Variants in TEP1 observed in about 807,000 individuals in gnomAD.
TEP1 encodes telomerase associated protein 1, also known as telomerase protein component 1.
A neutral mutation model predicts 306.3 loss-of-function variants in TEP1; 241 were observed. The observed-to-expected ratio is 0.79, with a 90% CI of 0.71 to 0.88. The LOEUF (loss-of-function observed/expected upper bound fraction) is 0.88, where lower values mean the gene tolerates loss of function less well. Ranked by LOEUF, TEP1 falls within the 40% of genes least tolerant of loss-of-function variation. TEP1 has a pLI of 0.00. For synonymous variants in TEP1, 1,289 were observed against 1,305.5 expected (o/e 0.99, Z 0.27); for missense variants, 3,051 against 3,276.1 (o/e 0.93, Z 1.68).
At chr14:20,395,758 C>T in intron 11 of TEP1, 101 bp downstream of exon 11, 1 of 1,508,530 alleles carries the variant, frequency 6.6e-7, no homozygotes, top group South Asian at 1.2e-5. Flanking sequence ...CCCCGATACA[C>T]CCTGAGACTG....
Position 20,390,961 on chromosome 14 carries a change from T to C in TEP1, c.2233A>G (p.Ile745Val). The C allele has an allele frequency of 6.2e-7, 1 of 1,614,124 alleles. No individual in the cohort carries two copies. The highest frequency in any genetic ancestry group is 8.5e-7 in the Non-Finnish European group (1 of 1,179,980). ...KAEEGILKTA[I>V]KLQAQVQEFD... ...ACCTGGACTTGAGCCTGGAGCTTGA[T>C]GGCAGTCTTCAGGATGCCTTCTTCT... The change falls in exon 14 of 55, where the codon ATC becomes GTC. Residue 745 changes from isoleucine to valine, a missense_variant. By Grantham distance (29) the Ile-to-Val change is conservative (BLOSUM62 3). Coordinates refer to ENST00000262715, the MANE Select transcript of TEP1 (RefSeq NM_007110.5).
chr14:20,410,980 C>G (rs941767690), intron 1 of TEP1, among the ~76,000 whole-genome samples: 1 of 151,890 alleles, frequency 6.6e-6, no homozygotes, highest in African/African-American at 2.4e-5. Flanking sequence ...TGCCACCACA[C>G]CCAGCTAATT....
At chr14:20,389,159 A>C (rs1276824404) in intron 17 of TEP1, 79 bp downstream of exon 17, 1 of 1,365,420 alleles carries the variant, frequency 7.3e-7, no homozygotes, top group Non-Finnish European at 1.0e-6. Context: ...AAAAAAAAAA[A>C]AAGTGACTGG....
rs1416880944 is a variant in TEP1, at chr14:20,391,038, A to G, written c.2156T>C (p.Val719Ala). The change falls in exon 14 of 55, where the codon GTG (valine) becomes GCG (alanine). Residue 719 changes from valine (V) to alanine (A), a missense_variant. By Grantham distance (64) the Val-to-Ala change is moderately conservative. This residue lies in a region of TEP1 where 1,507 missense variants were observed against 1,550.5 expected (regional missense o/e 0.97). Transcript: ENST00000262715. ...IGMMITRAEQ[V>A]DVVLCGGDTL... ...GTCACCTCCACACAGCACGACGTCCACCTGCTCCGCCCTCGTGATCATCAT... is the reference window on the plus strand; with the variant it reads ...GTCACCTCCACACAGCACGACGTCCGCCTGCTCCGCCCTCGTGATCATCAT... The G allele has an allele frequency of 5.0e-6, 8 of 1,613,994 alleles. No individual in the cohort carries two copies. In the East Asian group the frequency reaches 1.8e-4, roughly 36 times the overall value.
rs926212174 is a variant in TEP1 at position 20,382,607 on chromosome 14, G to A, written c.4140+16C>T. 1 of 1,613,394 alleles carries A rather than the reference G, an allele frequency of 6.2e-7. No homozygotes were observed. Among genetic ancestry groups the A allele is most frequent in the East Asian group, 2.2e-5 (1 of 44,886 alleles). On this transcript the variant is annotated intron_variant, in intron 28 of 54. Coordinates refer to ENST00000262715, the MANE Select transcript of TEP1 (RefSeq NM_007110.5). ...GGGAAGTAGTGATTAGGACTTGGAAGGTGATGAGAACTGACCTGCTCATAC... is the reference window on the plus strand; with the variant it reads ...GGGAAGTAGTGATTAGGACTTGGAAAGTGATGAGAACTGACCTGCTCATAC...
At position 20,391,858 on chromosome 14, in the gene TEP1, T is replaced by C. The variant is rs1388246363; in HGVS notation, c.1929-91A>G. The C allele has an allele frequency of 2.1e-6, 3 of 1,425,520 alleles. No individual in the cohort carries two copies. In the African/African-American group the frequency reaches 4.2e-5, roughly 20 times the overall value. The allele number at this position is 1,425,520 out of a possible 1,614,324, so 88.3% of individuals were successfully genotyped here. On this transcript the variant is annotated intron_variant, in intron 12 of 54. Transcript: ENST00000262715. ...GAGATGAGAAGTTGCCACTAAGTAT[T>C]GAGTCTTCTCCCTCCCTCAAGCACC...
Position 20,380,023 on chromosome 14 carries a change from G to A in TEP1, c.5034C>T (p.Ser1678=), listed in dbSNP as rs781777889. The A allele has an allele frequency of 6.2e-7, 1 of 1,613,964 alleles. No homozygotes were observed. Among genetic ancestry groups the A allele is most frequent in the South Asian group, 1.1e-5 (1 of 91,028 alleles). Residue 1678 remains serine (S), a synonymous_variant, in exon 35 of 55, where the codon TCC becomes TCT. Coordinates refer to ENST00000262715, the MANE Select transcript of TEP1 (RefSeq NM_007110.5). ...TGGTGGAGAAGGCCACAGCAGTAGG[G>A]GATGAGGAAACTGCCAGAGACAGGC... The part of the protein sequence containing the change: ...SSSLSLAVSS[S]PTAVAFSTNG...
At chr14:20,395,155 A>G (rs1878089104) in intron 12 of TEP1, among the ~76,000 whole-genome samples, 1 of 152,250 alleles carries the variant, frequency 6.6e-6, no homozygotes. Context: ...CAGAGAGGAC[A>G]CCAGCATACA....
chr14:20,381,548 A>G lies in TEP1; in HGVS notation c.4558+5T>C, dbSNP rs377066506. 3.1e-6 allele frequency: 5 copies of G among 1,613,570 alleles called. No individual in the cohort carries two copies. The highest frequency in any genetic ancestry group is 3.4e-6 in the Non-Finnish European group (4 of 1,180,012). ...AGTGCCCAGGCTGACTTGGGCTGCA[A>G]TCACCTGCAATGAGGATGTGTGCCG... On this transcript the variant is annotated splice_donor_5th_base_variant and intron_variant, in intron 31 of 54. Transcript: ENST00000262715. This position sits in a 1 kb window ranked among gnomAD's most constrained non-coding sequence, Gnocchi z 4.0.
At chr14:20,400,715 T>C in intron 9 of TEP1, 1 of 415,100 alleles carries the variant, frequency 2.4e-6, no homozygotes, top group East Asian at 4.4e-5. Flanking sequence ...ATGAGTACAA[T>C]GAGAGAGAAG....
chr14:20,389,421 G>A, intron 16 of TEP1, 124 bp from the exon 17 acceptor site: 1 of 1,424,214 alleles, frequency 7.0e-7, no homozygotes, highest in Non-Finnish European at 9.8e-7. Flanking sequence ...TGGTAGGCTA[G>A]GGCTAGGGTG....
At position 20,378,746 on chromosome 14, in the gene TEP1, A is replaced by C. The variant is rs750448242; in HGVS notation, c.5352+8T>G. ...GCCACTCTGACCACTGCAGACCCCA[A>C]GTCTTACCTTTAGGCATCCTCCCAA... On this transcript the variant is annotated splice_region_variant and intron_variant, in intron 37 of 54. Transcript: ENST00000262715. 2.5e-6 allele frequency: 4 copies of C among 1,613,932 alleles called. No homozygotes were observed. In the East Asian group the frequency reaches 8.9e-5, roughly 36 times the overall value.
chr14:20,388,212 G>A (rs1221140432), intron 17 of TEP1, 149 bp from the exon 18 acceptor site: 5 of 784,396 alleles, frequency 6.4e-6, no homozygotes, highest in East Asian at 2.8e-5. Context: ...AGCAGTTTAT[G>A]CAGACTTAAA....
At chr14:20,387,783 G>C in intron 18 of TEP1, 122 bp downstream of exon 18, 1 of 1,223,338 alleles carries the variant, frequency 8.2e-7, no homozygotes, top group Non-Finnish European at 1.1e-6. Flanking sequence ...CTGAGAAAGA[G>C]GAAGCATGCC....
intron 26 of TEP1, 27 bp downstream of exon 26, chr14:20,383,461 C>A: frequency 1.2e-6 from 2 of 1,613,792 alleles, no homozygotes; most frequent in Non-Finnish European, 1.7e-6. Context: ...GCCTGCCTCC[C>A]GACACCCACC....
chr14:20,372,904 T>C, intron 48 of TEP1, 47 bp from the exon 49 acceptor site: 1 of 1,613,544 alleles, frequency 6.2e-7, no homozygotes, highest in Non-Finnish European at 8.5e-7. Context: ...TGAGCCAGGA[T>C]GCACCATCTT....
At chr14:20,387,078 G>A (rs1877235116) in intron 18 of TEP1, among the ~76,000 whole-genome samples, 1 of 151,366 alleles carries the variant, frequency 6.6e-6, no homozygotes, top group African/African-American at 2.4e-5. Flanking sequence ...GGGATTACAG[G>A]CATGAGCCAC....
chr14:20,370,913 C>G (rs901375447), intron 51 of TEP1, among the ~76,000 whole-genome samples: 1 of 152,134 alleles, frequency 6.6e-6, no homozygotes, highest in Admixed American at 6.5e-5. Flanking sequence ...TCCTTGCCCT[C>G]AAGATGCTAT....
intron 1 of TEP1, among the ~76,000 whole-genome samples, chr14:20,409,076 A>G (rs1377908736): frequency 2.0e-5 from 3 of 152,206 alleles, no homozygotes; most frequent in Non-Finnish European, 2.9e-5. Context: ...TCTTTAACCA[A>G]CTAAATGGGA....
Sources: gnomAD v4.1 joint callset for allele counts (sites outside exome capture counted in the v4.1 genomes callset) on GRCh38, gnomAD v4.1.1 for gene constraint, gnomAD v4.1.1 regional missense constraint, Gnocchi (gnomAD v3.1) non-coding constraint, MANE v1.5 for transcripts, NCBI Gene and HGNC (gene_info 2026-07-23, HGNC 2026-07-21) for gene names.